Variants in CHST9 observed in about 807,000 individuals in gnomAD.
CHST9 encodes carbohydrate sulfotransferase 9.
A neutral mutation model predicts 44.4 loss-of-function variants in CHST9; 41 were observed. That is an observed-to-expected ratio of 0.92 (90% CI 0.72 to 1.20). The LOEUF is 1.20. CHST9 is among the 50% of genes most tolerant of loss of function. CHST9 has a pLI of 0.00. For synonymous variants in CHST9, 171 were observed against 178.4 expected (o/e 0.96, Z 0.33); for missense variants, 504 against 516.5 (o/e 0.98, Z 0.23).
chr18:26,960,590 C>T (rs2056386711), intron 4 of CHST9, among the ~76,000 whole-genome samples: 1 of 152,184 alleles, frequency 6.6e-6, no homozygotes, highest in African/African-American at 2.4e-5. Flanking sequence ...CCTAGCATTC[C>T]ATTATTGGAA....
chr18:27,040,011 C>T (rs563623807), intron 3 of CHST9, among the ~76,000 whole-genome samples: 64 of 152,066 alleles, frequency 4.2e-4, no homozygotes, highest in African/African-American at 1.3e-3. Context: ...AATTGCATTT[C>T]GGGGACTTTT....
chr18:26,980,506 G>A (rs2056679199), intron 4 of CHST9, among the ~76,000 whole-genome samples: 1 of 152,126 alleles, frequency 6.6e-6, no homozygotes, highest in African/African-American at 2.4e-5. Context: ...TTCAGTACAT[G>A]CTATAATGTT....
At chr18:27,125,320 T>G (rs927744856) in intron 2 of CHST9, among the ~76,000 whole-genome samples, 1 of 152,220 alleles carries the variant, frequency 6.6e-6, no homozygotes, top group Non-Finnish European at 1.5e-5. Flanking sequence ...TATTTATGTC[T>G]ATTGTTTTTC....
chr18:26,917,404 A>G, intron 5 of CHST9, 54 bp from the exon 6 acceptor site: 1 of 1,550,172 alleles, frequency 6.5e-7, no homozygotes, highest in South Asian at 1.2e-5. Flanking sequence ...GTGTGGGTAT[A>G]CTGGATAAGG....
At chr18:27,079,449 A>G (rs2057939703) in intron 2 of CHST9, among the ~76,000 whole-genome samples, 1 of 152,178 alleles carries the variant, frequency 6.6e-6, no homozygotes, top group Admixed American at 6.5e-5. Context: ...CTCTTTGATG[A>G]TATAATATTT....
chr18:27,039,806 C>T (rs917608025), intron 3 of CHST9, among the ~76,000 whole-genome samples: 2 of 152,112 alleles, frequency 1.3e-5, no homozygotes, highest in African/African-American at 4.8e-5. Flanking sequence ...TAATGTACTT[C>T]ATATTTGCTT....
At chr18:26,951,406 T>G (rs1485350902) in intron 4 of CHST9, among the ~76,000 whole-genome samples, 4 of 152,162 alleles carry the variant, frequency 2.6e-5, no homozygotes, top group African/African-American at 9.7e-5. Context: ...CTCTTTCAGG[T>G]AACAGGCCCC....
At chr18:27,179,736 C>G (rs1426876) in intron 1 of CHST9, among the ~76,000 whole-genome samples, 107,688 of 152,034 alleles carry the variant, frequency 0.71, 38,337 homozygotes, top group East Asian at 0.77. Flanking sequence ...ACATTCCCAC[C>G]AAAAGCCGAG....
chr18:27,055,172 T>C (rs1041413510), intron 2 of CHST9, among the ~76,000 whole-genome samples: 6 of 152,118 alleles, frequency 3.9e-5, no homozygotes, highest in Admixed American at 3.9e-4. Context: ...TTTGGCAAAA[T>C]GCACTATGAA....
At chr18:26,994,531 T>C (rs1167235671) in intron 4 of CHST9, among the ~76,000 whole-genome samples, 1 of 152,156 alleles carries the variant, frequency 6.6e-6, no homozygotes, top group Admixed American at 6.5e-5. Flanking sequence ...GGTCTGCACC[T>C]CCTGTTCTTC....
intron 4 of CHST9, chr18:26,952,403 TA>T: frequency 2.2e-6 from 1 of 450,200 alleles, no homozygotes; most frequent in Non-Finnish European, 4.4e-6. Context: ...ATTTTGTACA[TA>T]GAGACTGCCT....
intron 2 of CHST9, among the ~76,000 whole-genome samples, chr18:27,081,223 A>G (rs2057957858): frequency 1.3e-5 from 2 of 152,132 alleles, no homozygotes; most frequent in African/African-American, 2.4e-5. Flanking sequence ...CTGTAGTCCC[A>G]GCTACCCAGC....
At chr18:27,008,070 G>A (rs1433757529) in intron 4 of CHST9, among the ~76,000 whole-genome samples, 1 of 152,126 alleles carries the variant, frequency 6.6e-6, no homozygotes, top group Non-Finnish European at 1.5e-5. Context: ...CGGAGAGACA[G>A]GACCCACAGC....
intron 2 of CHST9, among the ~76,000 whole-genome samples, chr18:27,109,471 T>C (rs1349092215): frequency 2.0e-5 from 3 of 152,232 alleles, no homozygotes; most frequent in Non-Finnish European, 2.9e-5. Context: ...ATATAGCTGC[T>C]GTCTTGAGCG....
rs2055412735 is a variant in CHST9, at chr18:26,909,571, A to T, written c.*6688T>A. On this transcript the variant is annotated 3_prime_UTR_variant, in exon 6 of 6. Transcript: ENST00000618847. ...CTTTTAAGTTGGTAGACACTCTAGC[A>T]TTCTGAGTGCATTTTTATTTATTAT... 1 of 152,240 alleles carries T rather than the reference A, an allele frequency of 6.6e-6. No homozygotes were observed. Among genetic ancestry groups the T allele is most frequent in the African/African-American group, 2.4e-5 (1 of 41,466 alleles). The allele number at this position is 152,240 out of a possible 1,614,324, so 9.4% of individuals were successfully genotyped here. A position where few individuals can be genotyped will look rare whatever the true frequency, so the allele number is the denominator to read the frequency against.
At chr18:26,988,074 C>G (rs1406581300) in intron 4 of CHST9, among the ~76,000 whole-genome samples, 1 of 151,504 alleles carries the variant, frequency 6.6e-6, no homozygotes, top group African/African-American at 2.4e-5. Flanking sequence ...AAAAAATAAC[C>G]TAACAAAAGA....
At chr18:26,955,822 G>A (rs8088793) in intron 4 of CHST9, among the ~76,000 whole-genome samples, 19,403 of 152,100 alleles carry the variant, frequency 0.13, 2,787 homozygotes, top group African/African-American at 0.36. Flanking sequence ...GGCCTGAAGG[G>A]TAAAGCAAGG....
intron 4 of CHST9, among the ~76,000 whole-genome samples, chr18:27,013,954 G>A (rs1284798672): frequency 6.6e-6 from 1 of 151,960 alleles, no homozygotes; most frequent in Non-Finnish European, 1.5e-5. Flanking sequence ...TGGAAAAGTT[G>A]GTAAATAAAA....
intron 2 of CHST9, among the ~76,000 whole-genome samples, chr18:27,107,163 T>C (rs942984173): frequency 2.6e-5 from 4 of 152,178 alleles, no homozygotes; most frequent in Non-Finnish European, 5.9e-5. Context: ...GAAAGGTAAA[T>C]AGTGACTATA....
Sources: allele counts gnomAD v4.1 joint callset (sites outside exome capture counted in the v4.1 genomes callset), GRCh38; gene constraint gnomAD v4.1.1; transcripts MANE v1.5; gene names NCBI Gene and HGNC (gene_info 2026-07-23, HGNC 2026-07-21).